The following MAP4K5 variants were observed in gnomAD, a reference collection of about 807,000 sequenced individuals.
The protein encoded by MAP4K5 is MAPK/ERK kinase kinase kinase 5.
MAP4K5 carries 82 observed loss-of-function variants against 135.6 expected under a neutral mutation model. That is an observed-to-expected ratio of 0.60 (90% CI 0.51 to 0.73). The LOEUF (loss-of-function observed/expected upper bound fraction) is 0.73. Among genes scored for constraint, MAP4K5 ranks in the 30% least tolerant of loss-of-function variants. The probability of loss-of-function intolerance (pLI) is 0.00; values close to 1 mark genes in which losing one functional copy is unlikely to be tolerated. For missense variants in MAP4K5, 907 were observed against 1,010.9 expected, an observed-to-expected ratio of 0.90 and a Z score of 1.39; for synonymous variants, 347 against 335.0, an observed-to-expected ratio of 1.04 and a Z score of -0.39.
chr14:50,504,998 C>A, intron 2 of MAP4K5, 141 bp from the exon 3 acceptor site: 1 of 535,210 alleles, frequency 1.9e-6, no homozygotes, highest in Non-Finnish European at 3.2e-6. Flanking sequence ...AAATGCTGAG[C>A]AAACTCATTT....
intron 19 of MAP4K5, 33 bp from the exon 20 acceptor site, chr14:50,443,803 C>A: frequency 1.9e-6 from 3 of 1,576,390 alleles, no homozygotes; most frequent in South Asian, 1.2e-5. Context: ...TAGTGTAAGA[C>A]CTCCTAAGTC....
chr14:50,500,484 CAT>C (rs1344321886), intron 3 of MAP4K5, among the ~76,000 whole-genome samples: 1 of 152,144 alleles, frequency 6.6e-6, no homozygotes, highest in Admixed American at 6.5e-5. Flanking sequence ...TAGGCAGAAA[CAT>C]ATGCGATGAG....
At position 50,475,154 on chromosome 14, in the gene MAP4K5, T is replaced by C; in HGVS notation, c.470-5A>G. On this transcript the variant is annotated splice_region_variant and splice_polypyrimidine_tract_variant and intron_variant, in intron 8 of 32. Transcript: ENST00000682126. Reference sequence around the variant, plus strand: ...TTGCAGCCACACCAAAGTCAGCTAGTGAGGAAAAAAACAGAAAATTTTAGT... The same window carrying C: ...TTGCAGCCACACCAAAGTCAGCTAGCGAGGAAAAAAACAGAAAATTTTAGT... The C allele has an allele frequency of 2.5e-6, 4 of 1,613,462 alleles. No homozygotes were observed. Among genetic ancestry groups the C allele is most frequent in the Non-Finnish European group, 3.4e-6 (4 of 1,179,508 alleles).
chr14:50,423,033 G>T, intron 32 of MAP4K5, 88 bp downstream of exon 32: 1 of 583,500 alleles, frequency 1.7e-6, no homozygotes, highest in Non-Finnish European at 3.0e-6. Flanking sequence ...TAAGAGTTTT[G>T]TTTGAAACAA....
intron 18 of MAP4K5, 124 bp downstream of exon 18, chr14:50,444,917 T>C: frequency 3.7e-6 from 4 of 1,070,236 alleles, no homozygotes; most frequent in Non-Finnish European, 5.2e-6. Flanking sequence ...ATTGACTAAA[T>C]AAAAAAGATA....
intron 15 of MAP4K5, among the ~76,000 whole-genome samples, chr14:50,448,173 C>T (rs2036400718): frequency 6.6e-6 from 1 of 152,052 alleles, no homozygotes; most frequent in South Asian, 2.1e-4. Flanking sequence ...TGCCACCACG[C>T]CTGGCTGATT....
chr14:50,447,597 A>AT, intron 15 of MAP4K5, 116 bp from the exon 16 acceptor site: 1 of 625,670 alleles, frequency 1.6e-6, no homozygotes, highest in Non-Finnish European at 2.8e-6. Flanking sequence ...CATTCAATCA[A>AT]TTTTTTAATC....
intron 2 of MAP4K5, among the ~76,000 whole-genome samples, chr14:50,529,425 T>C (rs867561391): frequency 1.3e-5 from 2 of 151,940 alleles, no homozygotes; most frequent in Non-Finnish European, 2.9e-5. Flanking sequence ...CAGGAATACA[T>C]AGAGTATTAA....
chr14:50,471,690 A>G (rs1331018719), intron 9 of MAP4K5: 1 of 152,206 alleles, frequency 6.6e-6, no homozygotes, highest in East Asian at 1.9e-4. Context: ...CGAAAGAATT[A>G]AGTTGTCTTA....
intron 2 of MAP4K5, among the ~76,000 whole-genome samples, chr14:50,540,519 C>T (rs923356841): frequency 6.6e-6 from 1 of 152,164 alleles, no homozygotes; most frequent in African/African-American, 2.4e-5. Flanking sequence ...TCCAGAGGTA[C>T]TTGTAGCCTT....
At chr14:50,475,684 AT>A (rs1429962894) in intron 8 of MAP4K5, among the ~76,000 whole-genome samples, 36 of 152,314 alleles carry the variant, frequency 2.4e-4, no homozygotes, top group African/African-American at 8.7e-4. Context: ...TCCAGCCTGA[AT>A]GACAGAGTGA....
At chr14:50,549,037 A>T (rs1439343156) in intron 1 of MAP4K5, among the ~76,000 whole-genome samples, 1 of 152,140 alleles carries the variant, frequency 6.6e-6, no homozygotes, top group African/African-American at 2.4e-5. Flanking sequence ...TGTCTACAAC[A>T]AAGGGGTGCC....
intron 14 of MAP4K5, among the ~76,000 whole-genome samples, chr14:50,451,567 A>G (rs1049844355): frequency 2.0e-5 from 3 of 152,168 alleles, no homozygotes; most frequent in African/African-American, 4.8e-5. Flanking sequence ...GCAGTACCTC[A>G]TATCTTTTTT....
chr14:50,484,603 C>T (rs908459486), intron 5 of MAP4K5, among the ~76,000 whole-genome samples: 18 of 152,064 alleles, frequency 1.2e-4, no homozygotes, highest in Non-Finnish European at 2.4e-4. Context: ...TAAAAACAAG[C>T]CTTAGGGATA....
chr14:50,512,083 A>G (rs1270245979), intron 2 of MAP4K5, among the ~76,000 whole-genome samples: 3 of 152,194 alleles, frequency 2.0e-5, no homozygotes, highest in Non-Finnish European at 2.9e-5. Context: ...TTCAATAATT[A>G]TAACAAATGT....
intron 2 of MAP4K5, among the ~76,000 whole-genome samples, chr14:50,519,040 C>T (rs936192754): frequency 1.3e-5 from 2 of 151,694 alleles, no homozygotes; most frequent in African/African-American, 2.4e-5. Flanking sequence ...GATACTGATC[C>T]CAGCATTATT....
In MAP4K5 at chr14:50,434,518, T is replaced by C. The variant is rs541549123; in HGVS notation, c.2040A>G (p.Ile680Met). 5.0e-6 allele frequency: 8 copies of C among 1,605,336 alleles called. No homozygotes were observed. In the Admixed American group the frequency reaches 1.2e-4, roughly 24 times the overall value. Reference sequence around the variant, plus strand: ...AGACCATAGGGTATTCCTGTTCAGGTATCACCAGCATTTCAAAAACATTCA... The same window carrying C: ...AGACCATAGGGTATTCCTGTTCAGGCATCACCAGCATTTCAAAAACATTCA... Reference protein sequence around the residue: ...SPLNVFEMLVIPEQEYPMVCV... With the variant: ...SPLNVFEMLVMPEQEYPMVCV... The change falls in exon 28 of 33, where the codon ATA (isoleucine) becomes ATG (methionine). Residue 680 changes from isoleucine (I) to methionine (M), a missense_variant. Transcript: ENST00000682126.
chr14:50,465,545 G>A (rs1438837406), intron 11 of MAP4K5, among the ~76,000 whole-genome samples: 1 of 152,286 alleles, frequency 6.6e-6, no homozygotes, highest in African/African-American at 2.4e-5. Context: ...ATTACGTAAG[G>A]AAGAGAGGGA....
chr14:50,508,113 G>GAC (rs777390812), intron 2 of MAP4K5, among the ~76,000 whole-genome samples: 17 of 152,154 alleles, frequency 1.1e-4, no homozygotes, highest in Non-Finnish European at 2.1e-4. Context: ...GCCCTTCTTT[G>GAC]TCTCTTCTGA....
Sources: gnomAD v4.1 joint callset for allele counts (sites outside exome capture counted in the v4.1 genomes callset) on GRCh38, gnomAD v4.1.1 for gene constraint, MANE v1.5 for transcripts, NCBI Gene and HGNC (gene_info 2026-07-23, HGNC 2026-07-21) for gene names.